Variants in ZNF804B observed in about 807,000 individuals in gnomAD.
The protein encoded by ZNF804B is zinc finger 804B.
In ZNF804B, 80 loss-of-function variants were observed where a neutral mutation model predicts 101.4. The observed-to-expected ratio is 0.79, with a 90% CI of 0.66 to 0.95. ZNF804B has a LOEUF of 0.95. Ranked by LOEUF, ZNF804B falls within the 40% of genes least tolerant of loss-of-function variation. The probability of loss-of-function intolerance (pLI) is 0.00; values close to 1 mark genes in which losing one functional copy is unlikely to be tolerated. For missense variants in ZNF804B, 1,673 were observed against 1,561.9 expected (o/e 1.07, Z -1.20); for synonymous variants, 622 against 558.8 (o/e 1.11, Z -1.59).
At chr7:89,112,020 C>T (rs181194281) in intron 1 of ZNF804B, among the ~76,000 whole-genome samples, 35 of 150,322 alleles carry the variant, frequency 2.3e-4, no homozygotes, top group African/African-American at 8.1e-4. Flanking sequence ...GCCGGAGAAT[C>T]GCTTGAACCT....
At chr7:88,929,357 T>A (rs1027033625) in intron 1 of ZNF804B, among the ~76,000 whole-genome samples, 4 of 151,346 alleles carry the variant, frequency 2.6e-5, no homozygotes, top group Admixed American at 6.6e-5. Flanking sequence ...AAAAAAAAAA[T>A]TAGCTCATGG....
At chr7:88,867,984 AATCACCTATTAT>A (rs1253407287) in intron 1 of ZNF804B, among the ~76,000 whole-genome samples, 1 of 152,022 alleles carries the variant, frequency 6.6e-6, no homozygotes, top group African/African-American at 2.4e-5. Flanking sequence ...CTGTTAGCAT[AATCACCTATTAT>A]ATATATGTAT....
chr7:88,993,469 AC>A (rs1164776432), intron 1 of ZNF804B, among the ~76,000 whole-genome samples: 1 of 152,030 alleles, frequency 6.6e-6, no homozygotes, highest in Non-Finnish European at 1.5e-5. Context: ...TGAAATAAAT[AC>A]CTTGTTTATT....
rs1319534992 is a variant in ZNF804B, at chr7:88,877,024, ATAATAT to A, written c.108+116941_108+116946del. ...AAAAAAAAAATATATATATATATAT[ATAATAT>A]ATATATATATATATATATATTTTTT... On this transcript the variant is annotated intron_variant, in intron 1 of 3. Coordinates refer to ENST00000333190, the MANE Select transcript of ZNF804B (RefSeq NM_181646.5). Among the ~76,000 whole-genome samples the A allele has an allele frequency of 2.5e-4, 17 of 67,652 alleles. No homozygotes were observed. In the East Asian group the frequency reaches 3.6e-3, roughly 14 times the overall value. 44.4% of individuals were successfully genotyped at this position (67,652 alleles called of 152,430 possible).
At chr7:88,971,530 A>G (rs1584046633) in intron 1 of ZNF804B, among the ~76,000 whole-genome samples, 1 of 151,656 alleles carries the variant, frequency 6.6e-6, no homozygotes, top group Admixed American at 6.6e-5. Flanking sequence ...CACCCTTCCA[A>G]TTCTCCAAAA....
chr7:89,335,694 C>T lies in ZNF804B; in HGVS notation c.2712C>T (p.Ser904=), dbSNP rs1791068745. ...GNISCLLKNC[S]SGPSETTESN... ...TCAGCTGCCTTCTAAAGAACTGTTC[C>T]AGTGGCCCTTCAGAAACCACAGAAT... Residue 904 remains serine (S), a synonymous_variant, in exon 4 of 4, where the codon TCC becomes TCT. Transcript: ENST00000333190. 2 of 1,613,920 alleles carry T rather than the reference C, an allele frequency of 1.2e-6. No homozygotes were observed. The highest frequency in any genetic ancestry group is 1.7e-5 in the Admixed American group (1 of 59,950).
chr7:88,911,634 A>G (rs1245915335), intron 1 of ZNF804B, among the ~76,000 whole-genome samples: 2 of 151,402 alleles, frequency 1.3e-5, no homozygotes, highest in South Asian at 4.1e-4. Context: ...GCAAGCTTTT[A>G]GTTTTGTTGT....
chr7:89,326,055 CTGT>C (rs1298580590), intron 2 of ZNF804B, among the ~76,000 whole-genome samples: 4 of 151,986 alleles, frequency 2.6e-5, no homozygotes, highest in Non-Finnish European at 4.4e-5. Context: ...CTCAGATCAT[CTGT>C]TGTTTATAAT....
chr7:88,774,356 G>A (rs1790113101), intron 1 of ZNF804B, among the ~76,000 whole-genome samples: 1 of 152,058 alleles, frequency 6.6e-6, no homozygotes, highest in African/African-American at 2.4e-5. Context: ...TAGAGGCTGA[G>A]GGGATGTTCT....
intron 2 of ZNF804B, among the ~76,000 whole-genome samples, chr7:89,294,120 T>G (rs1031030964): frequency 1.7e-4 from 26 of 152,316 alleles, no homozygotes; most frequent in African/African-American, 4.8e-4. Context: ...TTCCTGACAC[T>G]GCAACTCTTT....
intron 2 of ZNF804B, among the ~76,000 whole-genome samples, chr7:89,304,969 A>G (rs145296112): frequency 1.4e-3 from 218 of 152,156 alleles, no homozygotes; most frequent in Non-Finnish European, 2.6e-3. Flanking sequence ...CTCCTTTGGT[A>G]TGCAAGACGG....
intron 1 of ZNF804B, among the ~76,000 whole-genome samples, chr7:88,823,420 G>C (rs761569664): frequency 6.6e-6 from 1 of 152,112 alleles, no homozygotes; most frequent in Non-Finnish European, 1.5e-5. Flanking sequence ...TTGAGATTCA[G>C]ATGTATTATA....
intron 1 of ZNF804B, among the ~76,000 whole-genome samples, chr7:88,899,088 A>T (rs1397475645): frequency 6.6e-6 from 1 of 152,172 alleles, no homozygotes; most frequent in Admixed American, 6.5e-5. Flanking sequence ...TTTAGATTCC[A>T]TTCTGGTCCA....
intron 2 of ZNF804B, among the ~76,000 whole-genome samples, chr7:89,281,698 A>C (rs1490160062): frequency 1.3e-5 from 2 of 152,194 alleles, no homozygotes; most frequent in East Asian, 3.9e-4. Flanking sequence ...TTTATAAACA[A>C]GGTCTTTCTG....
chr7:89,184,095 A>G (rs1584038353), intron 1 of ZNF804B, among the ~76,000 whole-genome samples: 1 of 152,274 alleles, frequency 6.6e-6, no homozygotes, highest in East Asian at 1.9e-4. Context: ...TGATGGAATC[A>G]TTTAGTTTGT....
At chr7:89,087,127 C>T (rs780905501) in intron 1 of ZNF804B, among the ~76,000 whole-genome samples, 46 of 150,122 alleles carry the variant, frequency 3.1e-4, no homozygotes, top group Non-Finnish European at 5.5e-4. Context: ...TTAAGATGTA[C>T]CAGTGAAGTG....
chr7:89,324,147 T>G (rs112167801), intron 2 of ZNF804B, among the ~76,000 whole-genome samples: 2,079 of 151,148 alleles, frequency 0.014, 36 homozygotes, highest in Non-Finnish European at 0.019. Context: ...AGTATTGGAT[T>G]TGCAATTAGT....
intron 1 of ZNF804B, among the ~76,000 whole-genome samples, chr7:88,855,740 C>G (rs1791545732): frequency 1.3e-5 from 2 of 152,142 alleles, no homozygotes; most frequent in Admixed American, 6.6e-5. Flanking sequence ...GGTTTTAGGT[C>G]TAACATTTAA....
At chr7:89,259,293 A>G (rs972364941) in intron 2 of ZNF804B, among the ~76,000 whole-genome samples, 2 of 152,166 alleles carry the variant, frequency 1.3e-5, no homozygotes, top group African/African-American at 2.4e-5. Flanking sequence ...TTGCACCCCA[A>G]CTGTTTTATT....
Sources: allele counts gnomAD v4.1 joint callset (sites outside exome capture counted in the v4.1 genomes callset), GRCh38; gene constraint gnomAD v4.1.1; transcripts MANE v1.5; gene names NCBI Gene and HGNC (gene_info 2026-07-23, HGNC 2026-07-21).